The following AKAP13 variants were observed in gnomAD, a reference collection of about 807,000 sequenced individuals.
AKAP13 encodes A-kinase anchor protein 13.
AKAP13 carries 80 observed loss-of-function variants against 264.5 expected under a neutral mutation model. The ratio of observed to expected loss-of-function variants is 0.30; its 90% CI spans 0.25 to 0.36. AKAP13 has a LOEUF of 0.36. Among genes scored for constraint, AKAP13 ranks in the 10% least tolerant of loss-of-function variants. The pLI is 1.00. For missense variants in AKAP13, 3,712 were observed against 3,435.2 expected (o/e 1.08, Z -2.01); for synonymous variants, 1,380 against 1,250.2 (o/e 1.10, Z -2.19).
intron 13 of AKAP13, 34 bp from the exon 14 acceptor site, chr15:85,669,688 C>T (rs775766181): frequency 3.4e-6 from 5 of 1,453,810 alleles, no homozygotes; most frequent in South Asian, 3.4e-5. Context: ...AGAGTATATG[C>T]TTACAACGTG....
intron 23 of AKAP13, among the ~76,000 whole-genome samples, chr15:85,719,556 C>T (rs1261167752): frequency 6.6e-6 from 1 of 152,118 alleles, no homozygotes; most frequent in Non-Finnish European, 1.5e-5. Flanking sequence ...ATATAAAGTA[C>T]CTAATGCATA....
At position 85,745,285 on chromosome 15, in the gene AKAP13, C is replaced by T. The variant is rs2089336096; in HGVS notation, c.*608C>T. 6.6e-6 allele frequency: 1 copy of T among 152,174 alleles called. No homozygotes were observed. Among genetic ancestry groups the T allele is most frequent in the Admixed American group, 6.6e-5 (1 of 15,264 alleles). The allele number at this position is 152,174 out of a possible 1,614,324, so 9.4% of individuals were successfully genotyped here. A position where few individuals can be genotyped will look rare whatever the true frequency, so the allele number is the denominator to read the frequency against. On this transcript the variant is annotated 3_prime_UTR_variant, in exon 37 of 37. Transcript: ENST00000394518. ...TAAACCCATCCCGGGCACATACCAC[C>T]CGTGTTTTGCATGTATTTCTCATTT... is the stretch of plus-strand genomic sequence containing the variant.
At chr15:85,688,590 T>C (rs1356169437) in intron 16 of AKAP13, among the ~76,000 whole-genome samples, 2 of 152,226 alleles carry the variant, frequency 1.3e-5, no homozygotes, top group Non-Finnish European at 1.5e-5. Context: ...ATATATTCCA[T>C]TCAGTTGTAT....
intron 33 of AKAP13, among the ~76,000 whole-genome samples, chr15:85,739,130 A>T (rs535241257): frequency 6.6e-6 from 1 of 152,334 alleles, no homozygotes; most frequent in African/African-American, 2.4e-5. Flanking sequence ...TTGCTTTTAA[A>T]GCAGTGAGCC....
intron 33 of AKAP13, 132 bp from the exon 34 acceptor site, chr15:85,740,090 A>AAATTTTTATGAAATTTATTG (rs2088843812): frequency 1.0e-6 from 1 of 968,210 alleles, no homozygotes; most frequent in Admixed American, 2.7e-5. Context: ...TTTCAATTTG[A>AAATTTTTATGAAATTTATTG]AAATATTTCA....
chr15:85,436,020 G>C (rs1407095043), intron 1 of AKAP13, among the ~76,000 whole-genome samples: 1 of 147,224 alleles, frequency 6.8e-6, no homozygotes, highest in Non-Finnish European at 1.5e-5. Flanking sequence ...ACACAGACTG[G>C]CAAATTGGAT....
intron 33 of AKAP13, among the ~76,000 whole-genome samples, chr15:85,737,402 T>C (rs777813521): frequency 6.6e-6 from 1 of 152,180 alleles, no homozygotes; most frequent in Non-Finnish European, 1.5e-5. Context: ...GTAAGCAGAA[T>C]AGAAGCCGAT....
At chr15:85,449,746 C>T (rs1320522318) in intron 1 of AKAP13, among the ~76,000 whole-genome samples, 1 of 152,148 alleles carries the variant, frequency 6.6e-6, no homozygotes, top group African/African-American at 2.4e-5. Context: ...GTTGAACCAA[C>T]TTGCAACTGG....
intron 14 of AKAP13, among the ~76,000 whole-genome samples, chr15:85,673,874 G>C (rs2084066517): frequency 6.6e-6 from 1 of 151,006 alleles, no homozygotes; most frequent in Non-Finnish European, 1.5e-5. Flanking sequence ...CATGTTTTTA[G>C]TAGAGATGGG....
intron 1 of AKAP13, among the ~76,000 whole-genome samples, chr15:85,397,332 C>G (rs1029547617): frequency 3.3e-5 from 5 of 152,066 alleles, no homozygotes; most frequent in African/African-American, 1.2e-4. Context: ...ATTTTGGCTG[C>G]TTTGCCAAAA....
Position 85,730,678 on chromosome 15 carries a change from G to T in AKAP13, c.7253G>T (p.Gly2418Val). ...AACACAGAAGAGGCTCTCAAAGGAG[G>T]ACCTTTAATGAAAAGTGCAATAAAT... is the stretch of plus-strand genomic sequence containing the variant. ...RSNTEEALKG[G>V]PLMKSAINEV... Residue 2418 changes from glycine (G) to valine (V), a missense_variant, in exon 30 of 37, where the codon GGA (glycine) becomes GTA (valine). By Grantham distance (109) the Gly-to-Val change is moderately radical (BLOSUM62 -3). Transcript: ENST00000394518. 6.2e-7 allele frequency: 1 copy of T among 1,613,680 alleles called. No individual in the cohort carries two copies. The highest frequency in any genetic ancestry group is 8.5e-7 in the Non-Finnish European group (1 of 1,179,816).
chr15:85,562,574 A>AAAAAAAT (rs1351834745), intron 5 of AKAP13, among the ~76,000 whole-genome samples: 1 of 77,686 alleles, frequency 1.3e-5, no homozygotes, highest in African/African-American at 4.0e-5. Flanking sequence ...CAAAAAAAAA[A>AAAAAAAT]ATATATATAT....
At chr15:85,597,326 C>T (rs562357203) in intron 8 of AKAP13, among the ~76,000 whole-genome samples, 2 of 152,234 alleles carry the variant, frequency 1.3e-5, no homozygotes, top group Admixed American at 6.5e-5. Context: ...CTCTCCTTGC[C>T]CACCTCTGTC....
At chr15:85,667,649 C>A (rs552631551) in intron 13 of AKAP13, among the ~76,000 whole-genome samples, 2 of 152,344 alleles carry the variant, frequency 1.3e-5, no homozygotes, top group East Asian at 3.9e-4. Flanking sequence ...CATATCCCTT[C>A]AGATTTAGCT....
At position 85,718,049 on chromosome 15, in the gene AKAP13, T is replaced by C. The variant is rs1306198437; in HGVS notation, c.5891T>C (p.Phe1964Ser). The C allele has an allele frequency of 6.2e-7, 1 of 1,614,104 alleles. No homozygotes were observed. The highest frequency in any genetic ancestry group is 2.2e-5 in the East Asian group (1 of 44,866). ...AATGAAGGACAACTACTGGGAGACT[T>C]TGAGATTGAGTCCAAACAGCTGGAA... ...DMNEGQLLGD[F>S]EIESKQLEAE... The change falls in exon 22 of 37, where the codon TTT becomes TCT. Residue 1964 changes from phenylalanine to serine, a missense_variant. Phe to Ser is a radical substitution (Grantham distance 155). Coordinates refer to ENST00000394518, the MANE Select transcript of AKAP13 (RefSeq NM_007200.5). This position sits in a 1 kb window ranked among gnomAD's most constrained non-coding sequence, Gnocchi z 4.9.
At chr15:85,538,932 A>G (rs1305880251) in intron 4 of AKAP13, among the ~76,000 whole-genome samples, 10 of 142,814 alleles carry the variant, frequency 7.0e-5, no homozygotes, top group East Asian at 2.2e-4. Context: ...CCAGGTTCAC[A>G]CCATTCTCCT....
chr15:85,468,017 G>A (rs1033056482), intron 1 of AKAP13, among the ~76,000 whole-genome samples: 13 of 152,222 alleles, frequency 8.5e-5, no homozygotes, highest in African/African-American at 3.1e-4. Flanking sequence ...TCTCAATAAT[G>A]TGAAAGAACA....
chr15:85,674,499 T>C (rs1312160575), intron 14 of AKAP13, among the ~76,000 whole-genome samples: 1 of 152,206 alleles, frequency 6.6e-6, no homozygotes. Context: ...TCTGTGTGTA[T>C]CACAAAGAAG....
At position 85,662,142 on chromosome 15, in the gene AKAP13, A is replaced by G. The variant is rs531623103; in HGVS notation, c.4800-2421A>G. ...TTTTGGGTTTCAGGTTGAACTGGTG[A>G]TACTGTAAAGAACCCACAGTCTTTT... On this transcript the variant is annotated intron_variant, in intron 12 of 36. Coordinates refer to ENST00000394518, the MANE Select transcript of AKAP13 (RefSeq NM_007200.5). Among the ~76,000 whole-genome samples the G allele has an allele frequency of 3.9e-5, 6 of 152,362 alleles. No homozygotes were observed. In the South Asian group the frequency reaches 1.2e-3, roughly 32 times the overall value.
Sources: gnomAD v4.1 joint callset for allele counts (sites outside exome capture counted in the v4.1 genomes callset) on GRCh38, gnomAD v4.1.1 for gene constraint, Gnocchi (gnomAD v3.1) non-coding constraint, MANE v1.5 for transcripts, NCBI Gene and HGNC (gene_info 2026-07-23, HGNC 2026-07-21) for gene names.